Variants in PABPC4L observed in about 807,000 individuals in gnomAD.
PABPC4L encodes polyadenylate-binding protein 4-like.
For missense variants in PABPC4L, 452 were observed against 451.4 expected, an observed-to-expected ratio of 1.00 and a Z score of -0.01; for synonymous variants, 169 against 164.1, an observed-to-expected ratio of 1.03 and a Z score of -0.23.
At chr4:133,952,712 T>C in the PABPC4L span, among the ~76,000 whole-genome samples, 5 of 152,090 alleles carry the variant, frequency 3.3e-5, no homozygotes, top group African/African-American at 1.2e-4. Context: ...TAATTTTACT[T>C]TTTCCCTCCT....
the PABPC4L span, among the ~76,000 whole-genome samples, chr4:134,035,144 T>C: frequency 6.6e-6 from 1 of 152,204 alleles, no homozygotes; most frequent in Non-Finnish European, 1.5e-5. Context: ...AAGGCTCAGA[T>C]GATCTTTAGC....
chr4:134,170,044 A>G, the PABPC4L span, among the ~76,000 whole-genome samples: 1 of 152,080 alleles, frequency 6.6e-6, no homozygotes, highest in Non-Finnish European at 1.5e-5. Flanking sequence ...TCCACACTCC[A>G]CACTCAAGTA....
At chr4:134,090,998 T>G in the PABPC4L span, among the ~76,000 whole-genome samples, 3 of 152,092 alleles carry the variant, frequency 2.0e-5, no homozygotes, top group African/African-American at 7.2e-5. Context: ...TTCTCATTTT[T>G]CCATATTACT....
the PABPC4L span, among the ~76,000 whole-genome samples, chr4:133,989,187 T>C: frequency 1.3e-5 from 2 of 152,208 alleles, no homozygotes; most frequent in African/African-American, 4.8e-5. Context: ...AGACATTTTT[T>C]CCATGTTGTT....
chr4:134,182,000 TA>T, the PABPC4L span, among the ~76,000 whole-genome samples: 75 of 133,842 alleles, frequency 5.6e-4, no homozygotes, highest in South Asian at 1.2e-3. Flanking sequence ...TTCACAGAAG[TA>T]AAAAAAAAAA....
the PABPC4L span, among the ~76,000 whole-genome samples, chr4:134,139,914 A>C: frequency 6.6e-6 from 1 of 151,916 alleles, no homozygotes; most frequent in African/African-American, 2.4e-5. Flanking sequence ...GTAGCAGGAC[A>C]ACCAGAAATT....
chr4:134,030,232 C>CAGT, the PABPC4L span, among the ~76,000 whole-genome samples: 1 of 151,960 alleles, frequency 6.6e-6, no homozygotes, highest in East Asian at 1.9e-4. Flanking sequence ...GACTTTGGAA[C>CAGT]TGGGTAACAG....
At chr4:134,093,395 G>A in the PABPC4L span, among the ~76,000 whole-genome samples, 1 of 151,374 alleles carries the variant, frequency 6.6e-6, no homozygotes. Context: ...ATTCTGGTAT[G>A]TGCTTTTTCC....
the PABPC4L span, among the ~76,000 whole-genome samples, chr4:134,041,935 C>A: frequency 0.7 from 107,030 of 151,966 alleles, 38,098 homozygotes; most frequent in East Asian, 0.95. Context: ...TATCTACCCA[C>A]AGGAAAAGAA....
At chr4:134,075,646 C>A in the PABPC4L span, among the ~76,000 whole-genome samples, 1 of 151,992 alleles carries the variant, frequency 6.6e-6, no homozygotes, top group African/African-American at 2.4e-5. Flanking sequence ...TTCCTACTTT[C>A]AAAAAATAAA....
the PABPC4L span, among the ~76,000 whole-genome samples, chr4:134,029,454 T>C: frequency 6.6e-6 from 1 of 151,974 alleles, no homozygotes; most frequent in Non-Finnish European, 1.5e-5. Context: ...CATGAAAAAA[T>C]GTTATATTCT....
the PABPC4L span, among the ~76,000 whole-genome samples, chr4:134,179,231 T>G: frequency 6.6e-6 from 1 of 151,932 alleles, no homozygotes; most frequent in Non-Finnish European, 1.5e-5. Context: ...CAGATAAAAC[T>G]GGGGGCCAAT....
chr4:134,039,689 T>C, the PABPC4L span, among the ~76,000 whole-genome samples: 1 of 152,110 alleles, frequency 6.6e-6, no homozygotes, highest in Non-Finnish European at 1.5e-5. Flanking sequence ...TATTCCTCTA[T>C]CCCTTTATGT....
the PABPC4L span, among the ~76,000 whole-genome samples, chr4:134,092,125 C>A: frequency 6.6e-6 from 1 of 151,746 alleles, no homozygotes; most frequent in Non-Finnish European, 1.5e-5. Flanking sequence ...GGGGGTGGTT[C>A]CCTGGAAAAG....
chr4:133,963,189 T>G, the PABPC4L span, among the ~76,000 whole-genome samples: 1 of 152,202 alleles, frequency 6.6e-6, no homozygotes, highest in Non-Finnish European at 1.5e-5. Context: ...CAGGGGTAGC[T>G]ATTTTTATAT....
chr4:133,960,052 T>C, the PABPC4L span, among the ~76,000 whole-genome samples: 12 of 152,314 alleles, frequency 7.9e-5, no homozygotes, highest in South Asian at 8.3e-4. Context: ...AGAAGGATCA[T>C]CATTGAGGAC....
chr4:134,073,933 T>C, the PABPC4L span, among the ~76,000 whole-genome samples: 2 of 152,052 alleles, frequency 1.3e-5, no homozygotes, highest in East Asian at 1.9e-4. Context: ...CTGGGTGTAG[T>C]CCACAAAAGC....
At chr4:134,129,121 T>G in the PABPC4L span, among the ~76,000 whole-genome samples, 1 of 151,872 alleles carries the variant, frequency 6.6e-6, no homozygotes, top group Admixed American at 6.6e-5. Context: ...AACAGGAAAA[T>G]ATCACAATCC....
chr4:134,124,649 T>A, the PABPC4L span, among the ~76,000 whole-genome samples: 1 of 152,064 alleles, frequency 6.6e-6, no homozygotes, highest in African/African-American at 2.4e-5. Context: ...TTGGTTATAT[T>A]TATGGTTTAA....
Sources: allele counts gnomAD v4.1 joint callset (sites outside exome capture counted in the v4.1 genomes callset), GRCh38; gene constraint gnomAD v4.1.1; transcripts MANE v1.5; gene names NCBI Gene and HGNC (gene_info 2026-07-23, HGNC 2026-07-21).